The following KCNK2 variants were observed in gnomAD, a reference collection of about 807,000 sequenced individuals.
KCNK2 encodes potassium channel subfamily K member 2.
In KCNK2, 21 loss-of-function variants were observed where a neutral mutation model predicts 40.5. The ratio of observed to expected loss-of-function variants is 0.52; its 90% CI spans 0.37 to 0.75. KCNK2 has a LOEUF of 0.75. Ranked by LOEUF, KCNK2 falls within the 30% of genes least tolerant of loss-of-function variation. The pLI is 0.00. For missense variants in KCNK2, 399 were observed against 531.6 expected, an observed-to-expected ratio of 0.75 and a Z score of 2.45; for synonymous variants, 191 against 202.2, an observed-to-expected ratio of 0.94 and a Z score of 0.47.
At chr1:215,121,885 G>C (rs1571636734) in intron 2 of KCNK2, among the ~76,000 whole-genome samples, 1 of 152,148 alleles carries the variant, frequency 6.6e-6, no homozygotes, top group East Asian at 1.9e-4. Flanking sequence ...ATTTTTACAA[G>C]AACATCTTAA....
upstream of KCNK2, among the ~76,000 whole-genome samples, chr1:215,078,181 C>T (rs1659017350): frequency 6.6e-6 from 1 of 152,194 alleles, no homozygotes. Flanking sequence ...TGTGGGGCCA[C>T]ATTCAAAGCC....
chr1:215,204,739 C>G (rs1204947474), intron 6 of KCNK2, among the ~76,000 whole-genome samples: 1 of 152,058 alleles, frequency 6.6e-6, no homozygotes, highest in African/African-American at 2.4e-5. Flanking sequence ...TCAAAATGAA[C>G]TTGGTTTTAG....
chr1:215,059,310 G>A (rs530999867), intron 1 of KCNK2, among the ~76,000 whole-genome samples: 1 of 152,064 alleles, frequency 6.6e-6, no homozygotes, highest in South Asian at 2.1e-4. Flanking sequence ...TTTAGTGAAC[G>A]CTGCTGAATT....
At chr1:215,020,264 A>G (rs1273624474) in intron 1 of KCNK2, among the ~76,000 whole-genome samples, 1 of 152,188 alleles carries the variant, frequency 6.6e-6, no homozygotes, top group East Asian at 1.9e-4. Flanking sequence ...TAAAAATAGT[A>G]TTAATAATCA....
chr1:215,034,513 G>GT (rs944528751), intron 1 of KCNK2, among the ~76,000 whole-genome samples: 3 of 152,006 alleles, frequency 2.0e-5, no homozygotes, highest in Admixed American at 6.6e-5. Context: ...TTTTGAAGGG[G>GT]TTTTTATCAT....
chr1:215,144,918 T>C (rs752007782), intron 3 of KCNK2, among the ~76,000 whole-genome samples: 5 of 152,214 alleles, frequency 3.3e-5, no homozygotes, highest in Non-Finnish European at 5.9e-5. Context: ...AATGTCTGTT[T>C]GGCTAGGAGA....
chr1:215,029,993 G>A (rs947635724), intron 1 of KCNK2, among the ~76,000 whole-genome samples: 4 of 152,212 alleles, frequency 2.6e-5, no homozygotes, highest in Non-Finnish European at 5.9e-5. Context: ...TTGCCAAACT[G>A]TCTTCCAAAG....
chr1:215,099,385 A>G (rs1243646050), intron 2 of KCNK2, among the ~76,000 whole-genome samples: 6 of 151,946 alleles, frequency 3.9e-5, no homozygotes, highest in African/African-American at 1.2e-4. Flanking sequence ...TGGAGTATAT[A>G]TAAGAAAACT....
At chr1:215,114,025 G>C (rs1660816377) in intron 2 of KCNK2, among the ~76,000 whole-genome samples, 1 of 152,130 alleles carries the variant, frequency 6.6e-6, no homozygotes, top group Non-Finnish European at 1.5e-5. Context: ...GAGACTGCAT[G>C]TTGCTTTTTT....
At chr1:215,195,957 T>C (rs1048618869) in intron 6 of KCNK2, among the ~76,000 whole-genome samples, 1 of 152,182 alleles carries the variant, frequency 6.6e-6, no homozygotes, top group Non-Finnish European at 1.5e-5. Context: ...CAGATATCAG[T>C]GTCAGACTCT....
chr1:215,040,855 G>C (rs569560971), intron 1 of KCNK2, among the ~76,000 whole-genome samples: 1 of 152,240 alleles, frequency 6.6e-6, no homozygotes, highest in African/African-American at 2.4e-5. Context: ...GGACACCACT[G>C]TTTGGGCAAC....
intron 3 of KCNK2, among the ~76,000 whole-genome samples, chr1:215,162,408 G>A (rs1418701099): frequency 2.0e-5 from 3 of 152,128 alleles, no homozygotes; most frequent in Middle Eastern, 3.2e-3. Context: ...TTGCTGTGCA[G>A]AAGCTCTTTA....
intron 3 of KCNK2, among the ~76,000 whole-genome samples, chr1:215,152,828 G>A (rs1016410343): frequency 6.6e-6 from 1 of 150,552 alleles, no homozygotes; most frequent in African/African-American, 2.5e-5. Flanking sequence ...CCTCCCACAT[G>A]TTTAGTCAGA....
intron 1 of KCNK2, among the ~76,000 whole-genome samples, chr1:215,070,520 G>A (rs939206331): frequency 1.3e-5 from 2 of 151,924 alleles, no homozygotes; most frequent in African/African-American, 4.8e-5. Flanking sequence ...AGGTAAATGA[G>A]GAGAAAAGGC....
chr1:215,076,836 A>G (rs751104180), intron 1 of KCNK2, among the ~76,000 whole-genome samples: 34 of 152,180 alleles, frequency 2.2e-4, no homozygotes, highest in Non-Finnish European at 4.7e-4. Context: ...TATTTCTTGC[A>G]TTGCAATGTT....
At chr1:215,022,928 A>G (rs1656858887) in intron 1 of KCNK2, among the ~76,000 whole-genome samples, 1 of 152,224 alleles carries the variant, frequency 6.6e-6, no homozygotes, top group African/African-American at 2.4e-5. Context: ...AGAGGCCATG[A>G]ATCTAAAAGA....
chr1:215,197,698 T>C (rs1664922982), intron 6 of KCNK2, among the ~76,000 whole-genome samples: 1 of 152,110 alleles, frequency 6.6e-6, no homozygotes. Flanking sequence ...ACATAACTGA[T>C]TTATTCAAAA....
Position 215,018,637 on chromosome 1 carries a change from G to A in KCNK2, c.34+12682G>A, listed in dbSNP as rs1571849834. On this transcript the variant is annotated intron_variant, in intron 1 of 6. Coordinates refer to the KCNK2 transcript ENST00000391895. Reference sequence around the variant, plus strand: ...AGATAGTATATGTGCACAGTATGAAGATGGAAGAATTCAGTCCTATGTGTT... The same window carrying A: ...AGATAGTATATGTGCACAGTATGAAAATGGAAGAATTCAGTCCTATGTGTT... Among the ~76,000 whole-genome samples, 3 of 152,284 alleles carry A rather than the reference G, an allele frequency of 2.0e-5. No homozygotes were observed. The South Asian group carries it at 6.2e-4, about 32-fold the overall frequency.
At chr1:215,227,435 T>A (rs1666427921) in intron 6 of KCNK2, among the ~76,000 whole-genome samples, 1 of 152,028 alleles carries the variant, frequency 6.6e-6, no homozygotes, top group Non-Finnish European at 1.5e-5. Flanking sequence ...GAGAGAAGAA[T>A]TTTGAGGAAA....
Sources: gnomAD v4.1 joint callset for allele counts (sites outside exome capture counted in the v4.1 genomes callset) on GRCh38, gnomAD v4.1.1 for gene constraint, MANE v1.5 for transcripts, NCBI Gene and HGNC (gene_info 2026-07-23, HGNC 2026-07-21) for gene names.